NCOA2: variants seen among roughly 807,000 people sequenced by gnomAD.
NCOA2 encodes the protein class E basic helix-loop-helix protein 75.
In NCOA2, 21 loss-of-function variants were observed where a neutral mutation model predicts 145.1. That is an observed-to-expected ratio of 0.14 (90% CI 0.10 to 0.21). The LOEUF (loss-of-function observed/expected upper bound fraction) is 0.21, where lower values mean the gene tolerates loss of function less well. Ranked by LOEUF, NCOA2 falls within the 10% of genes least tolerant of loss-of-function variation. The pLI, the probability that NCOA2 is intolerant of heterozygous loss-of-function variation, is 1.00. For synonymous variants in NCOA2, 619 were observed against 637.5 expected (o/e 0.97, Z 0.44); for missense variants, 1,472 against 1,837.6 (o/e 0.80, Z 3.64).
In NCOA2 at chr8:70,160,682, G is replaced by GAGAGAGA. The variant is rs371258460; in HGVS notation, c.977-1031_977-1030insTCTCTCT. ...GACAGAGAGAGAGAGAGAGAGAGAG[G>GAGAGAGA]GAGAGAGAGAGAGAGAGAGACTGAC... On this transcript the variant is annotated intron_variant, in intron 9 of 22. Coordinates refer to ENST00000452400, the MANE Select transcript of NCOA2 (RefSeq NM_006540.4). Among the ~76,000 whole-genome samples, 477 of 58,320 alleles carry GAGAGAGA rather than the reference G, an allele frequency of 8.2e-3. 11 individuals carry two copies. Among genetic ancestry groups the GAGAGAGA allele is most frequent in the African/African-American group, 0.017 (412 of 23,952 alleles). 38.3% of individuals were successfully genotyped at this position (58,320 alleles called of 152,430 possible).
At chr8:70,388,634 CA>C (rs1474905025) in intron 1 of NCOA2, among the ~76,000 whole-genome samples, 1 of 152,096 alleles carries the variant, frequency 6.6e-6, no homozygotes, top group Non-Finnish European at 1.5e-5. Flanking sequence ...CTAGTGTCTG[CA>C]ATATACGAGT....
At chr8:70,294,007 G>A (rs2135710634) in intron 2 of NCOA2, among the ~76,000 whole-genome samples, 1 of 152,028 alleles carries the variant, frequency 6.6e-6, no homozygotes, top group East Asian at 1.9e-4. Context: ...AAAATCTTAA[G>A]GTATATTCAA....
At position 70,156,395 on chromosome 8, in the gene NCOA2, A is replaced by G; in HGVS notation, c.1970T>C (p.Leu657Ser). Residue 657 changes from leucine to serine, a missense_variant, in exon 11 of 23, where the codon TTA becomes TCA. Physicochemically the swap from Leu to Ser is moderately radical, Grantham distance 145. This residue lies in a region of NCOA2 where 953 missense variants were observed against 1,062.1 expected (regional missense o/e 0.90). Transcript: ENST00000452400. ...GTTTGTATCCGACAAAGAGCTGGCT[A>G]AGGGCGAGGGCTCCATCTGATCAGA... is the stretch of plus-strand genomic sequence containing the variant. The part of the protein sequence containing the change: ...TKSDQMEPSP[L>S]ASSLSDTNKD... 6.2e-7 allele frequency: 1 copy of G among 1,613,970 alleles called. No homozygotes were observed. The highest frequency in any genetic ancestry group is 8.5e-7 in the Non-Finnish European group (1 of 1,179,886).
chr8:70,437,818 T>C, the NCOA2 span, among the ~76,000 whole-genome samples: 5 of 152,188 alleles, frequency 3.3e-5, no homozygotes, highest in Non-Finnish European at 7.4e-5. Context: ...ACATAATCAT[T>C]ATAGACATTT....
chr8:70,304,715 T>C (rs543636156), intron 1 of NCOA2, among the ~76,000 whole-genome samples: 127 of 152,086 alleles, frequency 8.4e-4, no homozygotes, highest in African/African-American at 2.9e-3. Flanking sequence ...CAGACTGGTC[T>C]TGAACTCCTG....
chr8:70,170,010 C>T (rs997372081), intron 6 of NCOA2, among the ~76,000 whole-genome samples, 192 bp downstream of exon 6: 1 of 152,074 alleles, frequency 6.6e-6, no homozygotes, highest in African/African-American at 2.4e-5. Flanking sequence ...AGATCAGTAT[C>T]TGAAGATGCC....
At chr8:70,456,248 G>A in the NCOA2 span, among the ~76,000 whole-genome samples, 3 of 152,216 alleles carry the variant, frequency 2.0e-5, no homozygotes, top group South Asian at 6.2e-4. Flanking sequence ...TCTAAACTTC[G>A]AGGAACTTTT....
At chr8:70,382,654 T>C (rs1427198750) in intron 1 of NCOA2, among the ~76,000 whole-genome samples, 3 of 152,224 alleles carry the variant, frequency 2.0e-5, no homozygotes, top group Non-Finnish European at 4.4e-5. Flanking sequence ...AAAATGAATC[T>C]GATCCAAGTC....
chr8:70,372,834 T>C (rs1811340501), intron 1 of NCOA2, among the ~76,000 whole-genome samples: 1 of 152,220 alleles, frequency 6.6e-6, no homozygotes, highest in Admixed American at 6.5e-5. Flanking sequence ...CAGCTTACTT[T>C]GTCCCTGTTC....
chr8:70,159,395 G>T, intron 10 of NCOA2, 110 bp downstream of exon 10: 1 of 984,948 alleles, frequency 1.0e-6, no homozygotes, highest in Non-Finnish European at 1.5e-6. Flanking sequence ...TACTGGGATT[G>T]ATGAGAAGAA....
chr8:70,110,721 T>C lies in NCOA2; in HGVS notation c.*2911A>G, dbSNP rs1806464691. On this transcript the variant is annotated 3_prime_UTR_variant, in exon 23 of 23. Transcript: ENST00000452400. ...CTGCAAAAACATTGCTTTCAATTAT[T>C]ACAGGCCATAAGAGATACACATAGG... The C allele has an allele frequency of 4.5e-6, 1 of 221,048 alleles. No homozygotes were observed. Among genetic ancestry groups the C allele is most frequent in the African/African-American group, 2.2e-5 (1 of 44,754 alleles). 13.7% of individuals were successfully genotyped at this position (221,048 alleles called of 1,614,324 possible).
chr8:70,237,136 C>T (rs571384441), intron 2 of NCOA2, among the ~76,000 whole-genome samples: 4 of 152,284 alleles, frequency 2.6e-5, no homozygotes, highest in East Asian at 3.9e-4. Context: ...TAGGTAGCAT[C>T]GTTGAATATT....
chr8:70,302,126 T>C lies in NCOA2; in HGVS notation c.-76-5326A>G, dbSNP rs1379034612. On this transcript the variant is annotated intron_variant, in intron 1 of 22. Coordinates refer to ENST00000452400, the MANE Select transcript of NCOA2 (RefSeq NM_006540.4). ...TTTCACGACTTACCTTTGAAAACTA[T>C]TTCAGATTATTGAACATGATATTGT... 5.9e-5 allele frequency among the ~76,000 whole-genome samples: 9 copies of C among 152,290 alleles called. No individual in the cohort carries two copies. The South Asian group carries it at 1.5e-3, about 25-fold the overall frequency.
At position 70,156,452 on chromosome 8, in the gene NCOA2, T is replaced by C; in HGVS notation, c.1913A>G (p.Gln638Arg). 1 of 1,613,990 alleles carries C rather than the reference T, an allele frequency of 6.2e-7. No individual in the cohort carries two copies. The highest frequency in any genetic ancestry group is 2.2e-5 in the East Asian group (1 of 44,874). The change falls in exon 11 of 23, where the codon CAG (glutamine) becomes CGG (arginine). Residue 638 changes from glutamine to arginine, a missense_variant. Physicochemically the swap from Gln to Arg is conservative, Grantham distance 43. Transcript: ENST00000452400. Reference sequence around the variant, plus strand: ...GGTCAGCAGCTGCAGGAGTTTGGTCTGCCCTTTGCTGTCATGCAGTCTGCT... The same window carrying C: ...GGTCAGCAGCTGCAGGAGTTTGGTCCGCCCTTTGCTGTCATGCAGTCTGCT... ...GQSRLHDSKG[Q>R]TKLLQLLTTK...
chr8:70,397,147 A>G (rs1331530509), intron 1 of NCOA2, among the ~76,000 whole-genome samples: 1 of 152,152 alleles, frequency 6.6e-6, no homozygotes, highest in African/African-American at 2.4e-5. Context: ...TACTCTTCTA[A>G]TACAGACCTT....
chr8:70,261,263 T>C (rs1231188755), intron 2 of NCOA2, among the ~76,000 whole-genome samples: 1 of 152,214 alleles, frequency 6.6e-6, no homozygotes, highest in African/African-American at 2.4e-5. Flanking sequence ...CATGGAATAC[T>C]ATGCAGCCAT....
At chr8:70,243,782 T>TA (rs1822364196) in intron 2 of NCOA2, among the ~76,000 whole-genome samples, 1 of 53,088 alleles carries the variant, frequency 1.9e-5, no homozygotes, top group Non-Finnish European at 4.1e-5. Flanking sequence ...GCAGTGAAAA[T>TA]AAAAAATGGA....
chr8:70,339,684 C>G (rs1457508369), intron 1 of NCOA2, among the ~76,000 whole-genome samples: 1 of 152,184 alleles, frequency 6.6e-6, no homozygotes, highest in Non-Finnish European at 1.5e-5. Flanking sequence ...CGACTTCAAG[C>G]TATACTACAA....
chr8:70,439,456 T>C, the NCOA2 span, among the ~76,000 whole-genome samples: 1 of 152,104 alleles, frequency 6.6e-6, no homozygotes, highest in African/African-American at 2.4e-5. Context: ...TCAGACAAGA[T>C]GGGGAAGGCA....
Sources: gnomAD v4.1 joint callset for allele counts (sites outside exome capture counted in the v4.1 genomes callset) on GRCh38, gnomAD v4.1.1 for gene constraint, gnomAD v4.1.1 regional missense constraint, MANE v1.5 for transcripts, NCBI Gene and HGNC (gene_info 2026-07-23, HGNC 2026-07-21) for gene names.